Variants in EIPR1 observed in about 807,000 individuals in gnomAD.
The protein encoded by EIPR1 is EARP complex and GARP complex interacting protein 1.
Under a neutral mutation model 48.1 loss-of-function variants are expected in EIPR1, and 25 were observed. The ratio of observed to expected loss-of-function variants is 0.52; its 90% CI spans 0.38 to 0.73. EIPR1 has a LOEUF of 0.73. EIPR1 is among the 30% of genes least tolerant of loss of function. EIPR1 has a pLI of 0.00. For missense variants in EIPR1, 415 were observed against 506.2 expected (o/e 0.82, Z 1.73); for synonymous variants, 204 against 201.9 (o/e 1.01, Z -0.09).
chr2:3,296,211 A>G (rs1428504574), intron 3 of EIPR1, among the ~76,000 whole-genome samples: 1 of 87,998 alleles, frequency 1.1e-5, no homozygotes, highest in East Asian at 3.5e-4. Context: ...CATCCTCTCT[A>G]CACAGACACC....
chr2:3,200,630 A>G (rs1429849681), intron 5 of EIPR1, among the ~76,000 whole-genome samples: 3 of 151,450 alleles, frequency 2.0e-5, no homozygotes, highest in Non-Finnish European at 4.4e-5. Flanking sequence ...AAGCCTGTCC[A>G]GAACTGAAAG....
intron 6 of EIPR1, among the ~76,000 whole-genome samples, chr2:3,194,696 A>T (rs55995038): frequency 1.7e-4 from 26 of 150,628 alleles, no homozygotes; most frequent in Middle Eastern, 3.5e-3. Context: ...AGAGAGAGAA[A>T]GGGGGGGGCA....
intron 3 of EIPR1, among the ~76,000 whole-genome samples, chr2:3,331,942 CATGAGATGGTGT>C (rs1377610028): frequency 0.011 from 27 of 2,436 alleles, 12 homozygotes; most frequent in African/African-American, 0.07. Flanking sequence ...TGTATACACT[CATGAGATGGTGT>C]CAGCAGAGGC....
rs569272484 is a variant in EIPR1 at position 3,219,390 on chromosome 2, G to A, written c.417-5142C>T. ...TGCACACCCAACATGGCCCTGATAC[G>A]TTCTAGAGCTTTCACAGTGAGTGAG... On this transcript the variant is annotated intron_variant, in intron 4 of 8. Coordinates refer to ENST00000382125, the MANE Select transcript of EIPR1 (RefSeq NM_003310.5). Among the ~76,000 whole-genome samples the A allele has an allele frequency of 9.5e-5, 14 of 146,880 alleles. No individual in the cohort carries two copies. In the South Asian group the frequency reaches 1.1e-3, roughly 11 times the overall value.
At chr2:3,303,551 G>A (rs1285920134) in intron 3 of EIPR1, among the ~76,000 whole-genome samples, 2 of 152,238 alleles carry the variant, frequency 1.3e-5, no homozygotes, top group South Asian at 2.1e-4. Context: ...AAATGCTCAG[G>A]CCAGCAGAGT....
intron 3 of EIPR1, among the ~76,000 whole-genome samples, chr2:3,289,061 T>G (rs901157601): frequency 3.3e-5 from 5 of 152,232 alleles, no homozygotes; most frequent in Admixed American, 3.3e-4. Flanking sequence ...TTCTGGAGTT[T>G]TAATTGCCCA....
At chr2:3,193,098 G>A (rs934398517) in intron 7 of EIPR1, among the ~76,000 whole-genome samples, 2 of 152,178 alleles carry the variant, frequency 1.3e-5, no homozygotes, top group Non-Finnish European at 2.9e-5. Context: ...CCGTCATGCT[G>A]AGGCCAAAAC....
intron 4 of EIPR1, among the ~76,000 whole-genome samples, chr2:3,228,260 G>A (rs918538521): frequency 1.3e-5 from 2 of 152,278 alleles, no homozygotes; most frequent in African/African-American, 2.4e-5. Context: ...TGACCTGCAT[G>A]TGAGACATGG....
chr2:3,366,596 G>A (rs910081867), intron 1 of EIPR1, among the ~76,000 whole-genome samples: 6 of 152,078 alleles, frequency 3.9e-5, no homozygotes, highest in Admixed American at 6.5e-5. Context: ...ATCAAGAAGT[G>A]AGTGTTCACA....
intron 4 of EIPR1, among the ~76,000 whole-genome samples, chr2:3,216,516 ATG>A (rs1665644235): frequency 5.0e-4 from 1 of 1,990 alleles, no homozygotes. Context: ...ACATCACAGG[ATG>A]AGAACTAGCC....
At chr2:3,211,154 T>C (rs559200475) in intron 5 of EIPR1, among the ~76,000 whole-genome samples, 28 of 152,230 alleles carry the variant, frequency 1.8e-4, no homozygotes, top group Admixed American at 1.3e-3. Flanking sequence ...AAAATTTTAA[T>C]AAAATATCAG....
intron 2 of EIPR1, among the ~76,000 whole-genome samples, chr2:3,340,165 A>G (rs755728593): frequency 2.6e-5 from 4 of 152,252 alleles, no homozygotes; most frequent in Non-Finnish European, 5.9e-5. Context: ...CTATTTCTTA[A>G]TAGCAATATG....
At chr2:3,225,444 C>T (rs182880620) in intron 4 of EIPR1, among the ~76,000 whole-genome samples, 413 of 152,210 alleles carry the variant, frequency 2.7e-3, no homozygotes, top group African/African-American at 9.5e-3. Flanking sequence ...CAAGATCTCC[C>T]TACATTGCCT....
At chr2:3,290,738 G>A (rs1668339435) in intron 3 of EIPR1, among the ~76,000 whole-genome samples, 1 of 152,240 alleles carries the variant, frequency 6.6e-6, no homozygotes, top group South Asian at 2.1e-4. Context: ...CTTCAGTGGG[G>A]CTGAGCGCAC....
At chr2:3,255,977 G>C (rs761764889) in intron 4 of EIPR1, among the ~76,000 whole-genome samples, 1 of 152,142 alleles carries the variant, frequency 6.6e-6, no homozygotes, top group Non-Finnish European at 1.5e-5. Context: ...TCCTGCATTC[G>C]GGCGGGGAGT....
At chr2:3,263,664 T>C (rs1315566849) in intron 3 of EIPR1, among the ~76,000 whole-genome samples, 3 of 151,942 alleles carry the variant, frequency 2.0e-5, no homozygotes, top group African/African-American at 7.3e-5. Context: ...GGTGGCACGG[T>C]GCGGCCAGCG....
chr2:3,369,296 A>G (rs995532109), intron 1 of EIPR1, among the ~76,000 whole-genome samples: 2 of 152,270 alleles, frequency 1.3e-5, no homozygotes, highest in African/African-American at 4.8e-5. Context: ...TAGAGCTCCC[A>G]GCGTGAGCAA....
chr2:3,364,932 C>T lies in EIPR1; in HGVS notation c.43-10299G>A, dbSNP rs193274567. ...GTTTGGTATATCAGCAGGTTGACTA[C>T]AGTTTACAACAGTCTATCGTACATT... is the stretch of plus-strand genomic sequence containing the variant. On this transcript the variant is annotated intron_variant, in intron 1 of 8. Coordinates refer to ENST00000382125, the MANE Select transcript of EIPR1 (RefSeq NM_003310.5). 6.6e-5 allele frequency among the ~76,000 whole-genome samples: 10 copies of T among 152,186 alleles called. No homozygotes were observed. The East Asian group carries it at 1.9e-3, about 29-fold the overall frequency.
intron 2 of EIPR1, among the ~76,000 whole-genome samples, chr2:3,344,823 A>C (rs953241652): frequency 1.3e-5 from 2 of 151,710 alleles, no homozygotes; most frequent in African/African-American, 4.8e-5. Context: ...TTGTATTTTT[A>C]GTAGAGACAG....
Sources: allele counts gnomAD v4.1 joint callset (sites outside exome capture counted in the v4.1 genomes callset), GRCh38; gene constraint gnomAD v4.1.1; transcripts MANE v1.5; gene names NCBI Gene and HGNC (gene_info 2026-07-23, HGNC 2026-07-21).